Variants in NELL1 observed in about 807,000 individuals in gnomAD.
NELL1 encodes the protein neural EGFL like 1.
Under a neutral mutation model 107.4 loss-of-function variants are expected in NELL1, and 76 were observed. That is an observed-to-expected ratio of 0.71 (90% CI 0.59 to 0.86). The LOEUF is 0.86. NELL1 is among the 40% of genes least tolerant of loss of function. The probability of loss-of-function intolerance (pLI) is 0.00; values close to 1 mark genes in which losing one functional copy is unlikely to be tolerated. For missense variants in NELL1, 1,024 were observed against 1,005.5 expected (o/e 1.02, Z -0.25); for synonymous variants, 353 against 341.2 (o/e 1.03, Z -0.38).
intron 14 of NELL1, among the ~76,000 whole-genome samples, chr11:21,246,200 A>G (rs924076114): frequency 6.6e-6 from 1 of 152,192 alleles, no homozygotes; most frequent in African/African-American, 2.4e-5. Flanking sequence ...CCAGTTTTCT[A>G]TGAAGAAGGC....
intron 13 of NELL1, among the ~76,000 whole-genome samples, chr11:21,126,747 T>G (rs932554289): frequency 1.3e-5 from 2 of 152,170 alleles, no homozygotes; most frequent in African/African-American, 2.4e-5. Context: ...GCCGCTTGCC[T>G]TGAGAAGCCC....
At chr11:20,873,822 G>A (rs934887812) in intron 4 of NELL1, among the ~76,000 whole-genome samples, 1 of 147,046 alleles carries the variant, frequency 6.8e-6, no homozygotes, top group South Asian at 2.1e-4. Flanking sequence ...GCAGTCCATC[G>A]GTGCAGTCAC....
At chr11:21,176,415 G>A (rs1214680389) in intron 13 of NELL1, among the ~76,000 whole-genome samples, 3 of 151,776 alleles carry the variant, frequency 2.0e-5, no homozygotes, top group Non-Finnish European at 4.4e-5. Context: ...GAAAGTGATG[G>A]CAGTTATATT....
At chr11:21,232,144 AAAT>A (rs1199085994) in intron 14 of NELL1, among the ~76,000 whole-genome samples, 31 of 33,296 alleles carry the variant, frequency 9.3e-4, no homozygotes, top group East Asian at 3.9e-3. Flanking sequence ...TACTAAAAAA[AAAT>A]AAAAAAAAAA....
At chr11:21,454,702 T>C (rs1273860845) in intron 15 of NELL1, among the ~76,000 whole-genome samples, 1 of 152,232 alleles carries the variant, frequency 6.6e-6, no homozygotes, top group African/African-American at 2.4e-5. Context: ...TTAAGGCAGA[T>C]TTGATTACTG....
chr11:20,870,957 A>T (rs1301521980), intron 4 of NELL1, among the ~76,000 whole-genome samples: 1 of 152,232 alleles, frequency 6.6e-6, no homozygotes, highest in Non-Finnish European at 1.5e-5. Context: ...CACACAAGTT[A>T]TCCTCTCTGT....
At chr11:21,337,627 C>T (rs1850436855) in intron 14 of NELL1, among the ~76,000 whole-genome samples, 1 of 152,164 alleles carries the variant, frequency 6.6e-6, no homozygotes, top group South Asian at 2.1e-4. Context: ...TGTAAAAGAA[C>T]AAGTGATTAT....
At chr11:21,098,716 C>T (rs1472837105) in intron 12 of NELL1, among the ~76,000 whole-genome samples, 1 of 152,178 alleles carries the variant, frequency 6.6e-6, no homozygotes, top group South Asian at 2.1e-4. Flanking sequence ...TGAACTCTGG[C>T]CCATTTTTTT....
chr11:21,002,870 A>C (rs921974578), intron 12 of NELL1, among the ~76,000 whole-genome samples: 1 of 152,170 alleles, frequency 6.6e-6, no homozygotes, highest in African/African-American at 2.4e-5. Context: ...AACTTTGGCT[A>C]TTCTAGGAGC....
intron 11 of NELL1, among the ~76,000 whole-genome samples, chr11:20,956,088 A>G (rs1340120197): frequency 6.6e-6 from 1 of 152,042 alleles, no homozygotes; most frequent in Non-Finnish European, 1.5e-5. Flanking sequence ...GCATGGTGGT[A>G]CACGCCTGTA....
intron 15 of NELL1, among the ~76,000 whole-genome samples, chr11:21,404,006 C>CG (rs1554905735): frequency 4.9e-4 from 5 of 10,238 alleles, no homozygotes; most frequent in African/African-American, 1.2e-3. Flanking sequence ...CATTCCTGAA[C>CG]CCCCCCCCCC....
chr11:20,814,725 A>G (rs1326699359), intron 3 of NELL1, among the ~76,000 whole-genome samples: 2 of 152,090 alleles, frequency 1.3e-5, no homozygotes, highest in Non-Finnish European at 2.9e-5. Flanking sequence ...GATTGATTCT[A>G]TGTCTTTGCT....
At chr11:21,312,307 G>A in intron 14 of NELL1, among the ~76,000 whole-genome samples, 1 of 151,730 alleles carries the variant, frequency 6.6e-6, no homozygotes, top group Admixed American at 6.6e-5. Context: ...ACCCGGAAGA[G>A]CTCTATTCCA....
intron 14 of NELL1, among the ~76,000 whole-genome samples, chr11:21,339,000 T>C (rs1194295673): frequency 2.0e-5 from 3 of 152,176 alleles, no homozygotes; most frequent in Non-Finnish European, 4.4e-5. Context: ...TCTAAATAGA[T>C]TTAAATACAT....
chr11:20,700,243 A>G (rs1914978), intron 2 of NELL1, among the ~76,000 whole-genome samples: 29,111 of 152,112 alleles, frequency 0.19, 3,094 homozygotes, highest in African/African-American at 0.25. Flanking sequence ...CACTTTGGGA[A>G]GCCAAGGCAG....
chr11:21,502,519 C>G (rs1050277044), intron 15 of NELL1, among the ~76,000 whole-genome samples: 2 of 152,200 alleles, frequency 1.3e-5, no homozygotes, highest in African/African-American at 4.8e-5. Flanking sequence ...GCTAAGCGCT[C>G]TAGGTATTTC....
intron 16 of NELL1, among the ~76,000 whole-genome samples, chr11:21,544,312 A>G (rs1193312745): frequency 1.3e-5 from 2 of 152,030 alleles, no homozygotes; most frequent in Non-Finnish European, 2.9e-5. Context: ...AATTTATACC[A>G]TAGGGACTTT....
At chr11:21,111,268 C>T (rs934753365) in intron 12 of NELL1, among the ~76,000 whole-genome samples, 5 of 152,016 alleles carry the variant, frequency 3.3e-5, no homozygotes, top group Admixed American at 1.3e-4. Context: ...TTCATCAGTC[C>T]GCCTCTGGGC....
rs200601314 is a variant in NELL1, at chr11:20,947,423, C to T, written c.1159C>T (p.Arg387Cys). 6.8e-5 allele frequency: 109 copies of T among 1,613,708 alleles called. No individual in the cohort carries two copies. Among genetic ancestry groups the T allele is most frequent in the Admixed American group, 3.7e-4 (22 of 59,986 alleles). The change falls in exon 11 of 20, where the codon CGT becomes TGT. Residue 387 changes from arginine (R) to cysteine (C), a missense_variant. Transcript: ENST00000357134. ...DHILPENQCCRVCRGHNFCAE... is the reference protein window; with the variant it reads ...DHILPENQCCCVCRGHNFCAE... ...CATTCTTCCTGAGAATCAGTGCTGC[C>T]GTGTCTGTAGAGGTAAGTGGGCTTG...
Sources: allele counts gnomAD v4.1 joint callset (sites outside exome capture counted in the v4.1 genomes callset), GRCh38; gene constraint gnomAD v4.1.1; transcripts MANE v1.5; gene names NCBI Gene and HGNC (gene_info 2026-07-23, HGNC 2026-07-21).